The following URB2 variants were observed in gnomAD, a reference collection of about 807,000 sequenced individuals.
The protein encoded by URB2 is URB2 ribosome biogenesis homolog.
Under a neutral mutation model 120.9 loss-of-function variants are expected in URB2, and 86 were observed. The ratio of observed to expected loss-of-function variants is 0.71; its 90% CI spans 0.60 to 0.85. The LOEUF is 0.85. URB2 is among the 40% of genes least tolerant of loss of function. The pLI, the probability that URB2 is intolerant of heterozygous loss-of-function variation, is 0.00. For missense variants in URB2, 1,765 were observed against 1,836.5 expected (o/e 0.96, Z 0.71); for synonymous variants, 755 against 758.4 (o/e 1.00, Z 0.07).
intron 7 of URB2, chr1:229,650,723 G>C (rs985408028): frequency 6.6e-6 from 1 of 152,086 alleles, no homozygotes; most frequent in South Asian, 2.1e-4. Context: ...GAGCTGCTGC[G>C]CCCGGCTGAA....
At position 229,635,207 on chromosome 1, in the gene URB2, T is replaced by C; in HGVS notation, c.594T>C (p.Thr198=). The change falls in exon 4 of 10, where the codon ACT becomes ACC. Residue 198 remains threonine (T), a synonymous_variant. Coordinates refer to ENST00000258243, the MANE Select transcript of URB2 (RefSeq NM_014777.4). ...CAAGACGTGCCTTTGGGGATGTGACTGCTCACCTGCTCCAGCCGTGCCTGG... is the reference window on the plus strand; with the variant it reads ...CAAGACGTGCCTTTGGGGATGTGACCGCTCACCTGCTCCAGCCGTGCCTGG... ...VNPRRAFGDV[T]AHLLQPCLVL... 1 of 1,614,252 alleles carries C rather than the reference T, an allele frequency of 6.2e-7. No homozygotes were observed. Among genetic ancestry groups the C allele is most frequent in the South Asian group, 1.1e-5 (1 of 91,092 alleles).
In URB2 at chr1:229,638,158, T is replaced by C; in HGVS notation, c.3545T>C (p.Leu1182Ser). 1 of 1,614,230 alleles carries C rather than the reference T, an allele frequency of 6.2e-7. No individual in the cohort carries two copies. Among genetic ancestry groups the C allele is most frequent in the Non-Finnish European group, 8.5e-7 (1 of 1,180,038 alleles). The part of the protein sequence containing the change: ...DQSFQAALQF[L>S]TLFFLAPELH... ...TCTTTTCAGGCAGCCTTGCAGTTTT[T>C]GACTCTGTTCTTTTTGGCCCCAGAA... The change falls in exon 4 of 10, where the codon TTG (leucine) becomes TCG (serine). Residue 1182 changes from leucine (L) to serine (S), a missense_variant. Physicochemically the swap from Leu to Ser is moderately radical, Grantham distance 145. Transcript: ENST00000258243.
rs1386999402 is a variant in URB2 at position 229,637,676 on chromosome 1, C to T, written c.3063C>T (p.Leu1021=). 2.5e-6 allele frequency: 4 copies of T among 1,614,062 alleles called. No homozygotes were observed. In the Admixed American group the frequency reaches 6.7e-5, roughly 27 times the overall value. Residue 1021 remains leucine (L), a synonymous_variant, in exon 4 of 10, where the codon CTC becomes CTT. Transcript: ENST00000258243. ...MLIQMKLSLV[L]NFRKITAFLS... Reference sequence around the variant, plus strand: ...TCCAAATGAAGCTGAGCTTGGTGCTCAATTTTAGAAAAATCACCGCATTCC... The same window carrying T: ...TCCAAATGAAGCTGAGCTTGGTGCTTAATTTTAGAAAAATCACCGCATTCC...
At position 229,638,262 on chromosome 1, in the gene URB2, C is replaced by G. The variant is rs753523078; in HGVS notation, c.3634+15C>G. Reference sequence around the variant, plus strand: ...AGTTCTTGCAGGTAAGATATTTTCTCTTGAGCTAATTCTGTGTTATAGAGG... The same window carrying G: ...AGTTCTTGCAGGTAAGATATTTTCTGTTGAGCTAATTCTGTGTTATAGAGG... On this transcript the variant is annotated intron_variant, in intron 4 of 9. Transcript: ENST00000258243. 4.4e-6 allele frequency: 7 copies of G among 1,573,274 alleles called. No homozygotes were observed. Among genetic ancestry groups the G allele is most frequent in the Non-Finnish European group, 5.2e-6 (6 of 1,162,036 alleles).
In URB2 at chr1:229,645,007, C is replaced by T. The variant is rs141697094; in HGVS notation, c.3796-852C>T. ...ATATGTATAAAAGTTAAATTCTGGC[C>T]GGGTGCGGTGGCTCATGCCTGTAAT... On this transcript the variant is annotated intron_variant, in intron 5 of 9. Coordinates refer to ENST00000258243, the MANE Select transcript of URB2 (RefSeq NM_014777.4). 3.6e-3 allele frequency among the ~76,000 whole-genome samples: 546 copies of T among 152,172 alleles called. 4 individuals are homozygous for T. Among genetic ancestry groups the T allele is most frequent in the African/African-American group, 0.013 (519 of 41,506 alleles).
intron 2 of URB2, among the ~76,000 whole-genome samples, chr1:229,630,523 A>G (rs1015333403): frequency 1.3e-5 from 2 of 152,220 alleles, no homozygotes; most frequent in African/African-American, 2.4e-5. Context: ...TTCCATTGAC[A>G]GAGCACAAAC....
chr1:229,650,832 CT>C (rs11345552), intron 7 of URB2: 17,161 of 147,742 alleles, frequency 0.12, 1,503 homozygotes, highest in East Asian at 0.43. Context: ...TCAACATAAT[CT>C]TTTTTTTTTT....
chr1:229,653,668 G>C (rs1021621261), intron 8 of URB2, among the ~76,000 whole-genome samples: 5 of 152,130 alleles, frequency 3.3e-5, no homozygotes, highest in Admixed American at 2.0e-4. Flanking sequence ...GGCCCTGGAC[G>C]GTCCTGACAC....
intron 5 of URB2, among the ~76,000 whole-genome samples, chr1:229,644,370 G>A (rs776128424): frequency 2.0e-5 from 3 of 152,240 alleles, no homozygotes; most frequent in Non-Finnish European, 2.9e-5. Flanking sequence ...CACTGGTATT[G>A]GGTACTGATT....
Position 229,654,270 on chromosome 1 carries a change from C to T in URB2, c.4259C>T (p.Thr1420Met), listed in dbSNP as rs144397425. The T allele has an allele frequency of 2.4e-5, 38 of 1,613,990 alleles. No homozygotes were observed. The highest frequency in any genetic ancestry group is 6.7e-5 in the African/African-American group (5 of 75,018). The stretch of plus-strand genomic sequence containing the variant: ...GTAGGAAGCATAGATGACCTGCCTA[C>T]GGTCCTAAAGTGTGCACGCCTGGTT... The part of the protein sequence containing the change: ...KDKGSIDDLP[T>M]VLKCARLVER... The change falls in exon 9 of 10, where the codon ACG becomes ATG. Residue 1420 changes from threonine to methionine, a missense_variant. Transcript: ENST00000258243.
intron 5 of URB2, among the ~76,000 whole-genome samples, chr1:229,644,237 G>A (rs985911148): frequency 2.0e-5 from 3 of 152,226 alleles, no homozygotes; most frequent in East Asian, 1.9e-4. Context: ...CATCTCTTAC[G>A]CAAGGAAGAA....
intron 3 of URB2, 98 bp from the exon 4 acceptor site, chr1:229,634,819 G>A (rs1353458554): frequency 8.8e-7 from 1 of 1,134,366 alleles, no homozygotes; most frequent in Non-Finnish European, 1.2e-6. Context: ...CAAGATGAGG[G>A]AAAGGGGTGA....
intron 2 of URB2, among the ~76,000 whole-genome samples, chr1:229,628,357 G>T (rs1030490308): frequency 2.7e-5 from 4 of 148,944 alleles, no homozygotes; most frequent in African/African-American, 1.0e-4. Context: ...GGAGTTTGAG[G>T]CTGCAATGAG....
At chr1:229,631,961 A>G (rs576367643) in intron 2 of URB2, among the ~76,000 whole-genome samples, 104 of 152,366 alleles carry the variant, frequency 6.8e-4, no homozygotes, top group Non-Finnish European at 1.3e-3. Context: ...TACAAGGCAC[A>G]ATAAAATGAG....
chr1:229,633,486 A>T (rs1313814252), intron 3 of URB2, among the ~76,000 whole-genome samples: 1 of 152,262 alleles, frequency 6.6e-6, no homozygotes, highest in African/African-American at 2.4e-5. Context: ...ATGCAGGAAA[A>T]ATCGATGAGT....
At chr1:229,632,161 G>T in intron 2 of URB2, 108 bp from the exon 3 acceptor site, 1 of 455,958 alleles carries the variant, frequency 2.2e-6, no homozygotes, top group Non-Finnish European at 3.5e-6. Context: ...CTCCCCCGCC[G>T]CCCCCGTGGC....
At chr1:229,656,460 A>G (rs1200198905) in intron 9 of URB2, among the ~76,000 whole-genome samples, 3 of 152,234 alleles carry the variant, frequency 2.0e-5, no homozygotes, top group Non-Finnish European at 1.5e-5. Context: ...AGCTAGGGCC[A>G]TAGCCTCCCA....
intron 4 of URB2, among the ~76,000 whole-genome samples, chr1:229,641,368 T>G (rs907954202): frequency 1.3e-5 from 2 of 152,146 alleles, no homozygotes; most frequent in Non-Finnish European, 2.9e-5. Flanking sequence ...TGGTACCTTA[T>G]TTCCTCAGGG....
intron 3 of URB2, among the ~76,000 whole-genome samples, chr1:229,633,063 A>G (rs1665711050): frequency 6.6e-6 from 1 of 152,252 alleles, no homozygotes; most frequent in Non-Finnish European, 1.5e-5. Flanking sequence ...CTAAAGTCAC[A>G]TGGCTAGTTA....
Sources: allele counts gnomAD v4.1 joint callset (sites outside exome capture counted in the v4.1 genomes callset), GRCh38; gene constraint gnomAD v4.1.1; transcripts MANE v1.5; gene names NCBI Gene and HGNC (gene_info 2026-07-23, HGNC 2026-07-21).